Variants in PDE9A observed in about 807,000 individuals in gnomAD.
PDE9A encodes the protein high affinity cGMP-specific 3',5'-cyclic phosphodiesterase 9A.
In PDE9A, 60 loss-of-function variants were observed where a neutral mutation model predicts 87.4. That is an observed-to-expected ratio of 0.69 (90% CI 0.56 to 0.85). The LOEUF (loss-of-function observed/expected upper bound fraction) is 0.85. Ranked by LOEUF, PDE9A falls within the 40% of genes least tolerant of loss-of-function variation. PDE9A has a pLI of 0.00. For missense variants in PDE9A, 665 were observed against 779.0 expected, an observed-to-expected ratio of 0.85 and a Z score of 1.74; for synonymous variants, 272 against 279.4, an observed-to-expected ratio of 0.97 and a Z score of 0.27.
In PDE9A at chr21:42,760,445, C is replaced by T. The variant is rs199726467; in HGVS notation, c.1002+13C>T. 2.9e-4 allele frequency: 415 copies of T among 1,451,626 alleles called. No homozygotes were observed. The highest frequency in any genetic ancestry group is 3.3e-4 in the Non-Finnish European group (346 of 1,040,712). The allele number at this position is 1,451,626 out of a possible 1,614,324, so 89.9% of individuals were successfully genotyped here. A position where few individuals can be genotyped will look rare whatever the true frequency, so the allele number is the denominator to read the frequency against. On this transcript the variant is annotated intron_variant, in intron 12 of 19. Transcript: ENST00000291539. This position sits in a 1 kb window ranked among gnomAD's most constrained non-coding sequence, Gnocchi z 5.2. ...CTGCAGTCTCCAGGTGGGTCCTGCC[C>T]GCTGCACACCCAGACCTCTACTCTC...
chr21:42,686,080 T>G, intron 1 of PDE9A, 112 bp from the exon 2 acceptor site: 1 of 737,260 alleles, frequency 1.4e-6, no homozygotes. Flanking sequence ...TTACAGCTTT[T>G]CTTTTCAAAA....
At chr21:42,746,054 G>A (rs938668605) in intron 8 of PDE9A, among the ~76,000 whole-genome samples, 4 of 152,212 alleles carry the variant, frequency 2.6e-5, no homozygotes, top group African/African-American at 7.2e-5. Context: ...TCCCTTAAAC[G>A]ACTGCATTTA....
rs562881690 is a variant in PDE9A at position 42,759,610 on chromosome 21, G to A, written c.897+525G>A. On this transcript the variant is annotated intron_variant, in intron 11 of 19. Coordinates refer to ENST00000291539, the MANE Select transcript of PDE9A (RefSeq NM_002606.3). The surrounding 1 kb of genome is among the most constrained non-coding windows in gnomAD (Gnocchi z 7.2). ...GGGTGGGTGTGTGTGAATGTGTGGT[G>A]GGAGTGTGTGGGGTGGGAGTAGGAG... Among the ~76,000 whole-genome samples, 7 of 150,938 alleles carry A rather than the reference G, an allele frequency of 4.6e-5. No homozygotes were observed. The highest frequency in any genetic ancestry group is 1.7e-4 in the African/African-American group (7 of 41,068).
chr21:42,666,943 A>G (rs999362442), intron 1 of PDE9A, among the ~76,000 whole-genome samples: 1 of 152,194 alleles, frequency 6.6e-6, no homozygotes, highest in African/African-American at 2.4e-5. Flanking sequence ...CAAAAGGTTG[A>G]AAGGCGGCAC....
intron 4 of PDE9A, among the ~76,000 whole-genome samples, chr21:42,729,382 ATTGT>A (rs1455696974): frequency 3.3e-5 from 5 of 151,920 alleles, no homozygotes; most frequent in Non-Finnish European, 5.9e-5. Flanking sequence ...CTTCCCTCTA[ATTGT>A]TTCTTTGTCA....
At chr21:42,665,838 G>A (rs186536056) in intron 1 of PDE9A, among the ~76,000 whole-genome samples, 20 of 152,346 alleles carry the variant, frequency 1.3e-4, no homozygotes, top group Admixed American at 5.9e-4. Context: ...GTGAGAGGGC[G>A]TTGCTCGGCT....
chr21:42,764,609 G>A (rs1298603264), intron 14 of PDE9A, among the ~76,000 whole-genome samples: 7 of 152,236 alleles, frequency 4.6e-5, no homozygotes, highest in East Asian at 1.9e-4. Flanking sequence ...ACAGGGGATC[G>A]TTCTCGTGCC....
At chr21:42,662,927 A>ACACATGCACACCACGCACACGCACAT (rs1366189992) in intron 1 of PDE9A, among the ~76,000 whole-genome samples, 2 of 142,894 alleles carry the variant, frequency 1.4e-5, no homozygotes, top group Non-Finnish European at 3.0e-5. Context: ...TGCACATCAC[A>ACACATGCACACCACGCACACGCACAT]CACATGCACA....
rs769496314 is a variant in PDE9A, at chr21:42,686,262, G to A, written c.140G>A (p.Arg47Gln). The change falls in exon 2 of 20, where the codon CGG (arginine) becomes CAG (glutamine). Residue 47 changes from arginine (R) to glutamine (Q), a missense_variant and splice_region_variant. Physicochemically the swap from Arg to Gln is conservative, Grantham distance 43. Coordinates refer to ENST00000291539, the MANE Select transcript of PDE9A (RefSeq NM_002606.3). ...DLFCIATGLP[R>Q]NTTISLLTTD... ...TTCTGCATCGCCACCGGCCTGCCTCGGTGAGTGCGCGCTGCGGGCTCTGCC... is the reference window on the plus strand; with the variant it reads ...TTCTGCATCGCCACCGGCCTGCCTCAGTGAGTGCGCGCTGCGGGCTCTGCC... 3.7e-6 allele frequency: 6 copies of A among 1,612,190 alleles called. No individual in the cohort carries two copies. Among genetic ancestry groups the A allele is most frequent in the Middle Eastern group, 1.7e-4 (1 of 6,060 alleles).
At chr21:42,726,620 A>ATTTTTTTTT (rs1246828424) in intron 4 of PDE9A, among the ~76,000 whole-genome samples, 718 of 24,066 alleles carry the variant, frequency 0.03, 15 homozygotes, top group Non-Finnish European at 0.034. Flanking sequence ...ATATATATAT[A>ATTTTTTTTT]TATATTTTTT....
At chr21:42,697,631 C>G in intron 3 of PDE9A, 1 of 700,776 alleles carries the variant, frequency 1.4e-6, no homozygotes, top group Non-Finnish European at 2.6e-6. Flanking sequence ...TGGGCAGGTT[C>G]TGTTCCTGGG....
At chr21:42,658,700 C>A (rs1218126168) in intron 1 of PDE9A, among the ~76,000 whole-genome samples, 5 of 152,224 alleles carry the variant, frequency 3.3e-5, no homozygotes, top group Non-Finnish European at 7.3e-5. Context: ...CGCCCTCCTT[C>A]CCAGGTGGAC....
chr21:42,700,543 G>A (rs538741569), intron 4 of PDE9A, among the ~76,000 whole-genome samples: 17 of 152,276 alleles, frequency 1.1e-4, no homozygotes, highest in Admixed American at 3.3e-4. Flanking sequence ...GAAGGAATAC[G>A]TGGGGCGCAT....
intron 1 of PDE9A, among the ~76,000 whole-genome samples, chr21:42,665,124 G>A (rs1398747920): frequency 6.6e-6 from 1 of 152,226 alleles, no homozygotes; most frequent in African/African-American, 2.4e-5. Flanking sequence ...ATCAGGCCAT[G>A]TAAAGACAGA....
rs142958405 is a variant in PDE9A, at chr21:42,667,414, G to C, written c.69+13531G>C. ...ATGGGGCACAGTTTTTTTTAAAGGA[G>C]GATTTAGAATTCTATTTGGCAGGTG... is the stretch of plus-strand genomic sequence containing the variant. On this transcript the variant is annotated intron_variant, in intron 1 of 19. Transcript: ENST00000291539. Among the ~76,000 whole-genome samples, 716 of 152,162 alleles carry C rather than the reference G, an allele frequency of 4.7e-3. 7 individuals carry two copies. Among genetic ancestry groups the C allele is most frequent in the Non-Finnish European group, 6.0e-3 (409 of 68,008 alleles).
intron 1 of PDE9A, among the ~76,000 whole-genome samples, chr21:42,661,266 T>G (rs974767127): frequency 2.0e-5 from 3 of 151,826 alleles, no homozygotes; most frequent in African/African-American, 7.3e-5. Flanking sequence ...CCTGACCATG[T>G]GATCCGCCCG....
intron 8 of PDE9A, 151 bp from the exon 9 acceptor site, chr21:42,750,965 G>A (rs529682685): frequency 5.4e-5 from 36 of 671,444 alleles, no homozygotes; most frequent in Admixed American, 6.7e-5. Flanking sequence ...ATTTTGCTTC[G>A]AGTGAGTTGC....
rs567120063 is a variant in PDE9A at position 42,759,724 on chromosome 21, G to A, written c.898-604G>A. ...TGTCTGTGTGTGGGTGTGTGTGAGGGTGTGTGTGCATGTGTGTATCTGTGG... is the reference window on the plus strand; with the variant it reads ...TGTCTGTGTGTGGGTGTGTGTGAGGATGTGTGTGCATGTGTGTATCTGTGG... On this transcript the variant is annotated intron_variant, in intron 11 of 19. Coordinates refer to ENST00000291539, the MANE Select transcript of PDE9A (RefSeq NM_002606.3). The surrounding 1 kb of genome is among the most constrained non-coding windows in gnomAD (Gnocchi z 7.2). Among the ~76,000 whole-genome samples the A allele has an allele frequency of 6.6e-6, 1 of 150,744 alleles. No homozygotes were observed. The highest frequency in any genetic ancestry group is 1.5e-5 in the Non-Finnish European group (1 of 67,614).
At chr21:42,713,129 C>CTTGTTT (rs58212770) in intron 4 of PDE9A, among the ~76,000 whole-genome samples, 30,726 of 151,316 alleles carry the variant, frequency 0.2, 3,615 homozygotes, top group East Asian at 0.38. Context: ...TATGTATTGA[C>CTTGTTT]TTGTTTTTGT....
Sources: allele counts gnomAD v4.1 joint callset (sites outside exome capture counted in the v4.1 genomes callset), GRCh38; gene constraint gnomAD v4.1.1; non-coding constraint Gnocchi (gnomAD v3.1); transcripts MANE v1.5; gene names NCBI Gene and HGNC (gene_info 2026-07-23, HGNC 2026-07-21).